The following MYO16 variants were observed in gnomAD, a reference collection of about 807,000 sequenced individuals.
MYO16 encodes unconventional myosin-XVI.
Under a neutral mutation model 205.3 loss-of-function variants are expected in MYO16, and 94 were observed. The observed-to-expected ratio is 0.46, with a 90% CI of 0.39 to 0.54. The LOEUF is 0.54. Among genes scored for constraint, MYO16 ranks in the 20% least tolerant of loss-of-function variants. The pLI is 0.00. For missense variants in MYO16, 2,315 were observed against 2,387.5 expected (o/e 0.97, Z 0.63); for synonymous variants, 988 against 954.0 (o/e 1.04, Z -0.66).
At chr13:108,612,577 C>G (rs1879215573) in intron 1 of MYO16, among the ~76,000 whole-genome samples, 1 of 151,998 alleles carries the variant, frequency 6.6e-6, no homozygotes. Flanking sequence ...TGGTCCTTGC[C>G]CAAATGGAGT....
At chr13:108,939,023 C>A (rs1882610763) in intron 16 of MYO16, among the ~76,000 whole-genome samples, 1 of 152,224 alleles carries the variant, frequency 6.6e-6, no homozygotes, top group South Asian at 2.1e-4. Context: ...AAAGCATCTA[C>A]TGCTGAGGTA....
At chr13:109,021,237 G>A (rs550962097) in intron 23 of MYO16, among the ~76,000 whole-genome samples, 1 of 152,184 alleles carries the variant, frequency 6.6e-6, no homozygotes, top group South Asian at 2.1e-4. Flanking sequence ...TGAACTTTCA[G>A]GAATGACATT....
Position 108,714,592 on chromosome 13 carries a change from C to CTGTGTGTGTGTCTGTG in MYO16, c.363+1872_363+1873insCTGTGTGTGTGTGTGT, listed in dbSNP as rs1555341103. On this transcript the variant is annotated intron_variant, in intron 3 of 34. Transcript: ENST00000457511. ...CTGTCACTTCTTCACGTGTGTGTGT[C>CTGTGTGTGTGTCTGTG]TGTGTGTGTGTGTGTGTGTGTATAT... Among the ~76,000 whole-genome samples the CTGTGTGTGTGTCTGTG allele has an allele frequency of 5.6e-3, 819 of 146,772 alleles. 4 individuals carry two copies. Among genetic ancestry groups the CTGTGTGTGTGTCTGTG allele is most frequent in the East Asian group, 0.031 (154 of 4,988 alleles).
At chr13:108,528,622 T>TC in the MYO16 span, among the ~76,000 whole-genome samples, 30 of 5,874 alleles carry the variant, frequency 5.1e-3, no homozygotes, top group Non-Finnish European at 6.5e-3. Flanking sequence ...TCCCCTCCCC[T>TC]CTCCCCCTCC....
At chr13:108,880,906 A>G (rs2139162098) in intron 12 of MYO16, among the ~76,000 whole-genome samples, 1 of 152,286 alleles carries the variant, frequency 6.6e-6, no homozygotes, top group South Asian at 2.1e-4. Context: ...GAAGAAAGTC[A>G]TTGGTAGCTT....
chr13:109,139,359 A>T (rs1443958176), intron 31 of MYO16, among the ~76,000 whole-genome samples: 48 of 152,202 alleles, frequency 3.2e-4, no homozygotes, highest in Admixed American at 3.1e-3. Context: ...GTTTCAAATC[A>T]TAAGGACCAG....
chr13:108,567,629 C>A, the MYO16 span, among the ~76,000 whole-genome samples: 1 of 151,998 alleles, frequency 6.6e-6, no homozygotes, highest in Non-Finnish European at 1.5e-5. Flanking sequence ...GTTTTTGAAA[C>A]AATGTCATGC....
chr13:108,510,461 G>GTTTTTTTTTTTTT, the MYO16 span, among the ~76,000 whole-genome samples: 17 of 45,910 alleles, frequency 3.7e-4, no homozygotes, highest in South Asian at 2.1e-3. Flanking sequence ...ATTGATAGCT[G>GTTTTTTTTTTTTT]TTTTTTTTTT....
intron 1 of MYO16, among the ~76,000 whole-genome samples, chr13:108,632,065 C>CA (rs1880007606): frequency 1.7e-5 from 1 of 58,876 alleles, no homozygotes; most frequent in Admixed American, 2.6e-4. Flanking sequence ...GTGACAAGAG[C>CA]AAAACCCCAA....
chr13:109,044,133 A>G (rs1394624489), intron 23 of MYO16, among the ~76,000 whole-genome samples: 1 of 145,732 alleles, frequency 6.9e-6, no homozygotes, highest in South Asian at 2.1e-4. Context: ...ATGACTGACT[A>G]TGATGAAAAA....
At chr13:108,964,944 A>G (rs750404764) in intron 20 of MYO16, 42 bp downstream of exon 20, 5 of 1,593,370 alleles carry the variant, frequency 3.1e-6, no homozygotes, top group Non-Finnish European at 4.3e-6. Context: ...CATTACTGTA[A>G]TAAATAACTT....
chr13:108,692,839 A>T (rs921161560), intron 2 of MYO16, among the ~76,000 whole-genome samples: 1 of 152,226 alleles, frequency 6.6e-6, no homozygotes, highest in Non-Finnish European at 1.5e-5. Flanking sequence ...GACTCTGAGT[A>T]GAGACCGTTA....
the MYO16 span, among the ~76,000 whole-genome samples, chr13:108,588,739 C>T: frequency 6.6e-6 from 1 of 152,058 alleles, no homozygotes; most frequent in Non-Finnish European, 1.5e-5. Context: ...GCGTGACATA[C>T]ACTGTTAGTG....
intron 20 of MYO16, among the ~76,000 whole-genome samples, chr13:108,974,742 C>A (rs1243259629): frequency 1.3e-5 from 2 of 152,028 alleles, no homozygotes; most frequent in Non-Finnish European, 2.9e-5. Context: ...TGACACTAAG[C>A]ATGTTAAGCC....
At chr13:108,889,634 CTCTCCATTTCTATATTTCTT>C (rs1219275459) in intron 14 of MYO16, among the ~76,000 whole-genome samples, 1 of 152,168 alleles carries the variant, frequency 6.6e-6, no homozygotes, top group Non-Finnish European at 1.5e-5. Flanking sequence ...AGATGGAACC[CTCTCCATTTCTATATTTCTT>C]TTGGAAATCA....
intron 2 of MYO16, among the ~76,000 whole-genome samples, chr13:108,667,289 T>C (rs1159983847): frequency 6.6e-6 from 1 of 151,056 alleles, no homozygotes; most frequent in Non-Finnish European, 1.5e-5. Context: ...TTTTTCTAGT[T>C]AAACTGTAAT....
intron 2 of MYO16, among the ~76,000 whole-genome samples, chr13:108,697,930 C>T (rs944943508): frequency 6.6e-6 from 1 of 152,052 alleles, no homozygotes; most frequent in Non-Finnish European, 1.5e-5. Flanking sequence ...GCTATGTTGC[C>T]AAGGCTGGTC....
chr13:109,022,308 TTATATATTATA>T (rs1886067968), intron 23 of MYO16, among the ~76,000 whole-genome samples: 2 of 9,162 alleles, frequency 2.2e-4, no homozygotes, highest in Non-Finnish European at 3.4e-4. Context: ...AAATATATAT[TTATATATTATA>T]TACAAATATA....
chr13:108,793,478 T>G lies in MYO16; in HGVS notation c.617-38T>G, dbSNP rs752253156. 4.4e-6 allele frequency: 7 copies of G among 1,600,966 alleles called. No homozygotes were observed. In the African/African-American group the frequency reaches 8.1e-5, roughly 19 times the overall value. On this transcript the variant is annotated intron_variant, in intron 5 of 34. Coordinates refer to ENST00000457511, the MANE Select transcript of MYO16 (RefSeq NM_001198950.3). The stretch of plus-strand genomic sequence containing the variant: ...TTTGACCCCCAGGAACTGAGAAGTA[T>G]CTCTCCATTCTGGTTGAAAGGCTCT...
Sources: gnomAD v4.1 joint callset for allele counts (sites outside exome capture counted in the v4.1 genomes callset) on GRCh38, gnomAD v4.1.1 for gene constraint, MANE v1.5 for transcripts, NCBI Gene and HGNC (gene_info 2026-07-23, HGNC 2026-07-21) for gene names.